Variants in GORASP2 observed in about 807,000 individuals in gnomAD.
GORASP2 encodes golgi reassembly stacking protein 2, also known as Golgi reassembly-stacking protein 2.
Under a neutral mutation model 45.7 loss-of-function variants are expected in GORASP2, and 22 were observed. That is an observed-to-expected ratio of 0.48 (90% confidence interval 0.34 to 0.69). GORASP2 has a LOEUF of 0.69. Among genes scored for constraint, GORASP2 ranks in the 30% least tolerant of loss-of-function variants. The pLI is 0.01. For missense variants in GORASP2, 491 were observed against 562.7 expected, an observed-to-expected ratio of 0.87 and a Z score of 1.29; for synonymous variants, 221 against 215.6, an observed-to-expected ratio of 1.02 and a Z score of -0.22.
intron 7 of GORASP2, among the ~76,000 whole-genome samples, chr2:170,960,163 T>C (rs754412420): frequency 4.6e-5 from 7 of 152,132 alleles, no homozygotes; most frequent in African/African-American, 7.2e-5. Flanking sequence ...TTGATCTTTC[T>C]CCTTTTTCCT....
intron 7 of GORASP2, among the ~76,000 whole-genome samples, chr2:170,957,463 A>C (rs532135628): frequency 6.6e-6 from 1 of 152,254 alleles, no homozygotes; most frequent in East Asian, 1.9e-4. Context: ...TTTTTAGTAG[A>C]GACGGTTTCG....
At chr2:170,929,035 A>C, upstream of GORASP2, 7 of 309,344 alleles carry the variant, frequency 2.3e-5, no homozygotes, top group East Asian at 5.1e-5. Flanking sequence ...AGCTGGGGGA[A>C]GCGCATTTCT....
Position 170,956,511 on chromosome 2 carries a change from C to CTT in GORASP2, c.777_778dup (p.Ser260PhefsTer28). On this transcript the variant is annotated frameshift_variant, in exon 7 of 10. Transcript: ENST00000234160. LOFTEE classifies it high-confidence loss of function. ...AGGAATTGAACAGAGTCTGACTGGA[C>CTT]TTTCTATTAGCTCAACTCCACCAGC... is the stretch of plus-strand genomic sequence containing the variant. The CTT allele has an allele frequency of 6.2e-7, 1 of 1,613,148 alleles. No homozygotes were observed. The highest frequency in any genetic ancestry group is 8.5e-7 in the Non-Finnish European group (1 of 1,179,250).
At chr2:170,949,866 A>C in intron 3 of GORASP2, 124 bp downstream of exon 3, 1 of 812,160 alleles carries the variant, frequency 1.2e-6, no homozygotes, top group Non-Finnish European at 2.0e-6. Flanking sequence ...TTTTGCCAAA[A>C]ATCAGCGTTC....
intron 1 of GORASP2, among the ~76,000 whole-genome samples, chr2:170,932,656 T>C (rs1395309924): frequency 6.6e-6 from 1 of 152,200 alleles, no homozygotes; most frequent in Non-Finnish European, 1.5e-5. Flanking sequence ...TTGGATGTGG[T>C]AAAAAAGTAC....
At chr2:170,937,034 C>T (rs1292941472) in intron 1 of GORASP2, among the ~76,000 whole-genome samples, 2 of 151,900 alleles carry the variant, frequency 1.3e-5, no homozygotes, top group African/African-American at 4.8e-5. Flanking sequence ...ATGGTGAAAC[C>T]CCCTCTCTAC....
intron 9 of GORASP2, 24 bp from the exon 10 acceptor site, chr2:170,965,766 T>G: frequency 1.1e-4 from 167 of 1,521,958 alleles, no homozygotes; most frequent in Non-Finnish European, 1.4e-4. Context: ...GGAGGATGTA[T>G]GATCTATGCC....
chr2:170,929,544 T>A (rs558100199), intron 1 of GORASP2, 141 bp downstream of exon 1: 2 of 717,418 alleles, frequency 2.8e-6, no homozygotes, highest in Non-Finnish European at 4.3e-6. Flanking sequence ...GCTGCCTTGG[T>A]CGAGGCTGGT....
chr2:170,939,958 T>A (rs1704035502), intron 1 of GORASP2, among the ~76,000 whole-genome samples: 1 of 152,002 alleles, frequency 6.6e-6, no homozygotes, highest in South Asian at 2.1e-4. Flanking sequence ...TTTCTAGTCT[T>A]GTTTAACATC....
At chr2:170,931,669 T>C (rs1367581557) in intron 1 of GORASP2, among the ~76,000 whole-genome samples, 1 of 152,248 alleles carries the variant, frequency 6.6e-6, no homozygotes, top group East Asian at 1.9e-4. Context: ...TTTGATTTCA[T>C]GAGTCCCTAT....
intron 1 of GORASP2, among the ~76,000 whole-genome samples, chr2:170,948,060 G>A (rs987120416): frequency 2.6e-5 from 4 of 152,168 alleles, no homozygotes; most frequent in Non-Finnish European, 5.9e-5. Flanking sequence ...GGAGGCAGAG[G>A]TTGCAGTGAA....
At chr2:170,951,800 G>A (rs1286877348) in intron 5 of GORASP2, among the ~76,000 whole-genome samples, 1 of 152,226 alleles carries the variant, frequency 6.6e-6, no homozygotes, top group East Asian at 1.9e-4. Context: ...GCTGGGAAAA[G>A]GATAACTTAG....
At position 170,957,435 on chromosome 2, in the gene GORASP2, C is replaced by T. The variant is rs539813761; in HGVS notation, c.823+876C>T. Among the ~76,000 whole-genome samples the T allele has an allele frequency of 4.2e-4, 64 of 152,248 alleles. 1 individual carries two copies. The highest frequency in any genetic ancestry group is 1.3e-3 in the African/African-American group (56 of 41,524). On this transcript the variant is annotated intron_variant, in intron 7 of 9. Coordinates refer to ENST00000234160, the MANE Select transcript of GORASP2 (RefSeq NM_015530.5). Reference sequence around the variant, plus strand: ...GGGATTACAGGCACGTGCCACCATACGGCAGCCAATTTTTGTATTTTTAGT... The same window carrying T: ...GGGATTACAGGCACGTGCCACCATATGGCAGCCAATTTTTGTATTTTTAGT...
chr2:170,943,451 C>T (rs890387067), intron 1 of GORASP2, among the ~76,000 whole-genome samples: 12 of 152,132 alleles, frequency 7.9e-5, no homozygotes, highest in African/African-American at 2.9e-4. Context: ...TGAGACTTAG[C>T]TAGGCATTTC....
At chr2:170,935,412 A>C (rs917982092) in intron 1 of GORASP2, among the ~76,000 whole-genome samples, 2 of 151,434 alleles carry the variant, frequency 1.3e-5, no homozygotes, top group African/African-American at 2.4e-5. Flanking sequence ...CCACCACCAC[A>C]CCCAACTAAT....
intron 1 of GORASP2, among the ~76,000 whole-genome samples, chr2:170,930,740 A>G (rs34911788): frequency 0.22 from 33,058 of 152,066 alleles, 4,094 homozygotes; most frequent in Non-Finnish European, 0.29. Flanking sequence ...CCCAAGAGCC[A>G]CACTGAGAGA....
At chr2:170,963,470 T>TCCCCC (rs1251788180) in intron 9 of GORASP2, among the ~76,000 whole-genome samples, 6 of 66,488 alleles carry the variant, frequency 9.0e-5, no homozygotes, top group African/African-American at 3.3e-4. Context: ...CTCCTCCTCC[T>TCCCCC]CCCCCTCCTC....
At chr2:170,952,188 A>G (rs1160924395) in intron 5 of GORASP2, among the ~76,000 whole-genome samples, 2 of 152,270 alleles carry the variant, frequency 1.3e-5, no homozygotes, top group Admixed American at 6.5e-5. Flanking sequence ...TAGTACCACA[A>G]GAGTGCCTGC....
chr2:170,966,150 A>G lies in GORASP2; in HGVS notation c.*20A>G. On this transcript the variant is annotated 3_prime_UTR_variant, in exon 10 of 10. Coordinates refer to ENST00000234160, the MANE Select transcript of GORASP2 (RefSeq NM_015530.5). ...CCTTAACTTTGAACCATTCTTTGGA[A>G]TTGGCGTGGTATATTTAACCACGGG... 6.4e-7 allele frequency: 1 copy of G among 1,566,016 alleles called. No individual in the cohort carries two copies. The highest frequency in any genetic ancestry group is 8.8e-7 in the Non-Finnish European group (1 of 1,136,194).
Sources: gnomAD v4.1 joint callset for allele counts (sites outside exome capture counted in the v4.1 genomes callset) on GRCh38, gnomAD v4.1.1 for gene constraint, MANE v1.5 for transcripts, NCBI Gene and HGNC (gene_info 2026-07-23, HGNC 2026-07-21) for gene names.